The following GRK5 variants were observed in gnomAD, a reference collection of about 807,000 sequenced individuals.
The protein encoded by GRK5 is G protein-coupled receptor kinase 5, also known as g protein-coupled receptor kinase GRK5.
In GRK5, 40 loss-of-function variants were observed where a neutral mutation model predicts 78.4. The observed-to-expected ratio is 0.51, with a 90% CI of 0.40 to 0.66. GRK5 has a LOEUF of 0.66. GRK5 is among the 30% of genes least tolerant of loss of function. GRK5 has a pLI of 0.00. For synonymous variants in GRK5, 289 were observed against 296.8 expected (o/e 0.97, Z 0.27); for missense variants, 598 against 759.9 (o/e 0.79, Z 2.50).
At chr10:119,304,138 T>C (rs138535333) in intron 1 of GRK5, among the ~76,000 whole-genome samples, 65 of 152,082 alleles carry the variant, frequency 4.3e-4, no homozygotes, top group African/African-American at 1.4e-3. Context: ...AGCACAAATC[T>C]AGAGACATGA....
chr10:119,392,739 C>G, intron 3 of GRK5, among the ~76,000 whole-genome samples: 1 of 152,110 alleles, frequency 6.6e-6, no homozygotes, highest in Non-Finnish European at 1.5e-5. Context: ...GCAGAGGTGC[C>G]TGTGTTTCGG....
Position 119,443,634 on chromosome 10 carries a change from C to T in GRK5, c.1148C>T (p.Ser383Leu), listed in dbSNP as rs746911797. The T allele has an allele frequency of 5.6e-6, 9 of 1,613,446 alleles. No homozygotes were observed. Among genetic ancestry groups the T allele is most frequent in the African/African-American group, 4.0e-5 (3 of 74,936 alleles). ...ATCTATGAGATGATCGAGGGCCAGT[C>T]GCCGTTCCGCGGCCGCAAGGAGAAG... ...CLIYEMIEGQ[S>L]PFRGRKEKVK... is the part of the protein sequence containing the mutation. Residue 383 changes from serine (S) to leucine (L), a missense_variant, in exon 12 of 16, where the codon TCG becomes TTG. Coordinates refer to ENST00000392870, the MANE Select transcript of GRK5 (RefSeq NM_005308.3).
intron 1 of GRK5, among the ~76,000 whole-genome samples, chr10:119,225,955 TCTC>T (rs1282814157): frequency 5.9e-5 from 9 of 151,760 alleles, no homozygotes; most frequent in African/African-American, 2.2e-4. Flanking sequence ...TTCACGCCAT[TCTC>T]CTGCTTCAGC....
chr10:119,239,236 GT>G lies in GRK5; in HGVS notation c.52+31283del, dbSNP rs569617800. Among the ~76,000 whole-genome samples, 390 of 138,762 alleles carry G rather than the reference GT, an allele frequency of 2.8e-3. 1 individual carries two copies. The highest frequency in any genetic ancestry group is 5.9e-3 in the African/African-American group (222 of 37,940). 91.0% of individuals were successfully genotyped at this position (138,762 alleles called of 152,430 possible). A position where few individuals can be genotyped will look rare whatever the true frequency, so the allele number is the denominator to read the frequency against. On this transcript the variant is annotated intron_variant, in intron 1 of 15. Transcript: ENST00000392870. ...GGGGCAGGTCCTTAAGGAGCAGAAGGTTTTTTTTTTTTTTTTGAGACACAGT... is the reference window on the plus strand; with the variant it reads ...GGGGCAGGTCCTTAAGGAGCAGAAGGTTTTTTTTTTTTTTTGAGACACAGT...
intron 1 of GRK5, among the ~76,000 whole-genome samples, chr10:119,210,869 A>T (rs10466210): frequency 1.3e-5 from 2 of 152,208 alleles, no homozygotes; most frequent in Admixed American, 1.3e-4. Flanking sequence ...TAACACTGGG[A>T]CCTATCTTTT....
In GRK5 at chr10:119,430,128, G is replaced by T. The variant is rs59889013; in HGVS notation, c.534-247G>T. Among the ~76,000 whole-genome samples, 3 of 152,180 alleles carry T rather than the reference G, an allele frequency of 2.0e-5. No individual in the cohort carries two copies. Among genetic ancestry groups the T allele is most frequent in the Non-Finnish European group, 4.4e-5 (3 of 68,036 alleles). On this transcript the variant is annotated intron_variant, in intron 6 of 15. Coordinates refer to ENST00000392870, the MANE Select transcript of GRK5 (RefSeq NM_005308.3). This position sits in a 1 kb window ranked among gnomAD's most constrained non-coding sequence, Gnocchi z 4.5. ...TTTTCAAGCTTTCTGAGCAAGCGAG[G>T]CTTGTGCATCCCCCAGCTTGCAGGG...
At chr10:119,240,865 C>G (rs1051790930) in intron 1 of GRK5, among the ~76,000 whole-genome samples, 1 of 152,170 alleles carries the variant, frequency 6.6e-6, no homozygotes, top group African/African-American at 2.4e-5. Flanking sequence ...GCTAGGATTA[C>G]AGGCTCAAGC....
At chr10:119,214,452 A>T (rs559540097) in intron 1 of GRK5, among the ~76,000 whole-genome samples, 1 of 152,324 alleles carries the variant, frequency 6.6e-6, no homozygotes, top group South Asian at 2.1e-4. Context: ...CATAATTAAA[A>T]GGTTATACTT....
intron 1 of GRK5, among the ~76,000 whole-genome samples, chr10:119,299,251 T>A (rs1850133777): frequency 6.6e-6 from 1 of 152,126 alleles, no homozygotes; most frequent in Non-Finnish European, 1.5e-5. Flanking sequence ...GAGACCAGCC[T>A]GGCCAACATG....
At chr10:119,339,337 C>T (rs1850945474) in intron 2 of GRK5, among the ~76,000 whole-genome samples, 1 of 152,144 alleles carries the variant, frequency 6.6e-6, no homozygotes, top group Non-Finnish European at 1.5e-5. Flanking sequence ...TAAAGAGATG[C>T]TAGGAAAACA....
chr10:119,221,017 G>A (rs1249017619), intron 1 of GRK5, among the ~76,000 whole-genome samples: 1 of 151,430 alleles, frequency 6.6e-6, no homozygotes, highest in Non-Finnish European at 1.5e-5. Flanking sequence ...TTAGCCTGGT[G>A]TGATGGCATG....
chr10:119,280,639 C>A (rs186353789), intron 1 of GRK5, among the ~76,000 whole-genome samples: 117 of 152,270 alleles, frequency 7.7e-4, no homozygotes, highest in African/African-American at 2.8e-3. Context: ...TGGGACTATA[C>A]CTAGAATTGG....
intron 2 of GRK5, among the ~76,000 whole-genome samples, chr10:119,347,323 G>C (rs537392552): frequency 6.6e-6 from 1 of 152,040 alleles, no homozygotes; most frequent in African/African-American, 2.4e-5. Context: ...GTATGTGTCC[G>C]TATATTTGTG....
rs915115 is a variant in GRK5, at chr10:119,452,516, A to G, written c.1405-155A>G. The G allele has an allele frequency of 1.2e-6, 1 of 829,470 alleles. No individual in the cohort carries two copies. The highest frequency in any genetic ancestry group is 1.8e-6 in the Non-Finnish European group (1 of 542,256). The allele number at this position is 829,470 out of a possible 1,614,324, so 51.4% of individuals were successfully genotyped here. On this transcript the variant is annotated intron_variant, in intron 13 of 15. Coordinates refer to ENST00000392870, the MANE Select transcript of GRK5 (RefSeq NM_005308.3). This position sits in a 1 kb window ranked among gnomAD's most constrained non-coding sequence, Gnocchi z 4.4. Reference sequence around the variant, plus strand: ...CGACCCCTCCCCTGGACTCACCTGCATCTGAGCCACACACCCTCCAGCCAC... The same window carrying G: ...CGACCCCTCCCCTGGACTCACCTGCGTCTGAGCCACACACCCTCCAGCCAC...
At chr10:119,289,182 T>TTTTTG (rs770937224) in intron 1 of GRK5, among the ~76,000 whole-genome samples, 4 of 152,124 alleles carry the variant, frequency 2.6e-5, no homozygotes, top group Non-Finnish European at 5.9e-5. Context: ...AGAATAAAGA[T>TTTTTG]TTTTGTTTTG....
intron 3 of GRK5, among the ~76,000 whole-genome samples, chr10:119,392,662 C>G (rs1393882957): frequency 6.6e-6 from 1 of 152,232 alleles, no homozygotes; most frequent in East Asian, 1.9e-4. Flanking sequence ...CCTCGGCCTC[C>G]CAAAGTGCTG....
chr10:119,298,153 C>G (rs1460973871), intron 1 of GRK5, among the ~76,000 whole-genome samples: 1 of 152,174 alleles, frequency 6.6e-6, no homozygotes, highest in East Asian at 1.9e-4. Context: ...CTGTACATAT[C>G]TTGTTTAATC....
rs1294778965 is a variant in GRK5, at chr10:119,271,243, G to C, written c.53-55273G>C. 6.6e-6 allele frequency among the ~76,000 whole-genome samples: 1 copy of C among 152,204 alleles called. No homozygotes were observed. The highest frequency in any genetic ancestry group is 1.5e-5 in the Non-Finnish European group (1 of 68,034). On this transcript the variant is annotated intron_variant, in intron 1 of 15. Coordinates refer to ENST00000392870, the MANE Select transcript of GRK5 (RefSeq NM_005308.3). The surrounding 1 kb of genome is among the most constrained non-coding windows in gnomAD (Gnocchi z 4.1). ...ACGCCCTTTGGGCGCTGGTCATTCA[G>C]AGAGGCCCTCTCAGACACGCCTGGC... is the stretch of plus-strand genomic sequence containing the variant.
At chr10:119,400,330 G>C (rs754385551) in intron 4 of GRK5, among the ~76,000 whole-genome samples, 1 of 152,248 alleles carries the variant, frequency 6.6e-6, no homozygotes, top group African/African-American at 2.4e-5. Flanking sequence ...GGATGTGGAG[G>C]AGGAAGCTGG....
Sources: gnomAD v4.1 joint callset for allele counts (sites outside exome capture counted in the v4.1 genomes callset) on GRCh38, gnomAD v4.1.1 for gene constraint, Gnocchi (gnomAD v3.1) non-coding constraint, MANE v1.5 for transcripts, NCBI Gene and HGNC (gene_info 2026-07-23, HGNC 2026-07-21) for gene names.